ITGAV: variants seen among roughly 807,000 people sequenced by gnomAD.
ITGAV encodes integrin subunit alpha V, also known as integrin alpha-V.
A neutral mutation model predicts 143.8 loss-of-function variants in ITGAV; 76 were observed. The ratio of observed to expected loss-of-function variants is 0.53; its 90% CI spans 0.44 to 0.64. The LOEUF (loss-of-function observed/expected upper bound fraction) is 0.64, where lower values mean the gene tolerates loss of function less well. Among genes scored for constraint, ITGAV ranks in the 30% least tolerant of loss-of-function variants. ITGAV has a pLI of 0.00. For missense variants in ITGAV, 1,193 were observed against 1,274.7 expected, an observed-to-expected ratio of 0.94 and a Z score of 0.98; for synonymous variants, 453 against 446.7, an observed-to-expected ratio of 1.01 and a Z score of -0.18.
At chr2:186,646,626 T>C in intron 12 of ITGAV, 60 bp from the exon 13 acceptor site, 2 of 1,330,324 alleles carry the variant, frequency 1.5e-6, no homozygotes, top group Non-Finnish European at 2.1e-6. Context: ...ATTCTTCCCT[T>C]TCTTTTCCTC....
intron 1 of ITGAV, among the ~76,000 whole-genome samples, chr2:186,599,705 T>G (rs1686844306): frequency 6.6e-6 from 1 of 152,214 alleles, no homozygotes; most frequent in South Asian, 2.1e-4. Context: ...GGGGTCTTAC[T>G]ATGTTGCCTA....
chr2:186,606,157 T>A (rs981618868), intron 2 of ITGAV, among the ~76,000 whole-genome samples: 4 of 151,820 alleles, frequency 2.6e-5, no homozygotes, highest in Admixed American at 1.3e-4. Context: ...TGCTAAACTT[T>A]CTTTATGTCT....
intron 2 of ITGAV, 76 bp downstream of exon 2, chr2:186,602,227 A>G: frequency 1.6e-6 from 2 of 1,259,796 alleles, no homozygotes. Flanking sequence ...GTTTAAATGT[A>G]GCCATTTAAT....
At chr2:186,675,113 C>A (rs1689171920) in intron 26 of ITGAV, among the ~76,000 whole-genome samples, 1 of 152,146 alleles carries the variant, frequency 6.6e-6, no homozygotes, top group East Asian at 1.9e-4. Context: ...GGCTGCCAAC[C>A]TCGAAGTTAC....
chr2:186,632,627 C>T (rs1275627730), intron 5 of ITGAV, among the ~76,000 whole-genome samples: 1 of 152,034 alleles, frequency 6.6e-6, no homozygotes, highest in African/African-American at 2.4e-5. Context: ...ATGTATAATA[C>T]ACCCTGAAAA....
chr2:186,636,929 C>G, intron 7 of ITGAV, 136 bp from the exon 8 acceptor site: 2 of 649,312 alleles, frequency 3.1e-6, no homozygotes, highest in East Asian at 2.7e-5. Context: ...ATATATGAAT[C>G]TGTTATGACT....
At position 186,675,624 on chromosome 2, in the gene ITGAV, C is replaced by G; in HGVS notation, c.2727C>G (p.Cys909Trp). The change falls in exon 27 of 30, where the codon TGC becomes TGG. Residue 909 changes from cysteine (C) to tryptophan (W), a missense_variant. By Grantham distance (215) the Cys-to-Trp change is radical. Coordinates refer to ENST00000261023, the MANE Select transcript of ITGAV (RefSeq NM_002210.5). ...GGCAGGGTTGTGGAGTTGCTCAGTG[C>G]TTGAAGATTGTCTGCCAAGTTGGGA... The part of the protein sequence containing the change: ...IHTLGCGVAQ[C>W]LKIVCQVGRL... 1 of 1,613,780 alleles carries G rather than the reference C, an allele frequency of 6.2e-7. No homozygotes were observed. The highest frequency in any genetic ancestry group is 8.5e-7 in the Non-Finnish European group (1 of 1,179,718).
At chr2:186,666,479 A>G (rs574795434) in intron 21 of ITGAV, among the ~76,000 whole-genome samples, 6 of 152,334 alleles carry the variant, frequency 3.9e-5, no homozygotes, top group African/African-American at 1.4e-4. Flanking sequence ...AAGGAGGTAT[A>G]ATTATGATTA....
At chr2:186,637,328 A>G (rs922494999) in intron 8 of ITGAV, among the ~76,000 whole-genome samples, 15 of 151,908 alleles carry the variant, frequency 9.9e-5, no homozygotes, top group African/African-American at 3.1e-4. Flanking sequence ...GAAAAAACAC[A>G]AAAATTAGCC....
At chr2:186,617,758 G>A (rs541057288) in intron 2 of ITGAV, among the ~76,000 whole-genome samples, 27 of 152,178 alleles carry the variant, frequency 1.8e-4, no homozygotes, top group African/African-American at 6.0e-4. Flanking sequence ...TTATTTTATT[G>A]TGTGAGATAC....
At chr2:186,602,250 A>T in intron 2 of ITGAV, 99 bp downstream of exon 2, 2 of 848,948 alleles carry the variant, frequency 2.4e-6, no homozygotes. Flanking sequence ...AATTATATAG[A>T]TAAGCACCTC....
chr2:186,677,135 A>G, intron 29 of ITGAV, 62 bp from the exon 30 acceptor site: 1 of 1,476,966 alleles, frequency 6.8e-7, no homozygotes, highest in Non-Finnish European at 9.4e-7. Context: ...TAGTCACCCA[A>G]AAAATACTTT....
At chr2:186,664,266 T>A (rs181212826) in intron 19 of ITGAV, among the ~76,000 whole-genome samples, 3 of 152,304 alleles carry the variant, frequency 2.0e-5, no homozygotes, top group Admixed American at 1.3e-4. Context: ...ATATGAATGA[T>A]AGTGATATAT....
chr2:186,654,908 T>C lies in ITGAV; in HGVS notation c.1564+200T>C, dbSNP rs79261802. The stretch of plus-strand genomic sequence containing the variant: ...AGCTAATTCAAAAATAATACACTTA[T>C]TTATGGACATTATGAGCTAAATAGC... On this transcript the variant is annotated intron_variant, in intron 16 of 29. Coordinates refer to ENST00000261023, the MANE Select transcript of ITGAV (RefSeq NM_002210.5). 8.2e-3 allele frequency among the ~76,000 whole-genome samples: 1,256 copies of C among 152,328 alleles called. 37 individuals are homozygous for C. The East Asian group carries it at 0.087, about 11-fold the overall frequency.
chr2:186,659,211 G>A (rs1254016817), intron 18 of ITGAV, 36 bp downstream of exon 18: 1 of 1,375,932 alleles, frequency 7.3e-7, no homozygotes, highest in East Asian at 2.7e-5. Context: ...GTGATATTTT[G>A]TTATTTTTTT....
At chr2:186,637,434 T>A (rs1381238158) in intron 8 of ITGAV, among the ~76,000 whole-genome samples, 1 of 148,572 alleles carries the variant, frequency 6.7e-6, no homozygotes. Context: ...TGAGTTGTGA[T>A]TGCGCCACTG....
chr2:186,594,663 A>C (rs551268156), intron 1 of ITGAV, among the ~76,000 whole-genome samples: 1 of 152,342 alleles, frequency 6.6e-6, no homozygotes, highest in South Asian at 2.1e-4. Flanking sequence ...CATTGCCAGC[A>C]AGAAAGTCCA....
intron 10 of ITGAV, 103 bp from the exon 11 acceptor site, chr2:186,640,812 G>A: frequency 1.2e-6 from 1 of 856,572 alleles, no homozygotes; most frequent in South Asian, 1.6e-5. Flanking sequence ...AGCACTATAT[G>A]CAGAGAAAAA....
chr2:186,592,861 A>T lies in ITGAV; in HGVS notation c.185+2338A>T, dbSNP rs12693454. Among the ~76,000 whole-genome samples the T allele has an allele frequency of 2.0e-5, 3 of 151,982 alleles. 1 individual carries two copies. The highest frequency in any genetic ancestry group is 4.2e-4 in the South Asian group (2 of 4,810). On this transcript the variant is annotated intron_variant, in intron 1 of 29. Coordinates refer to ENST00000261023, the MANE Select transcript of ITGAV (RefSeq NM_002210.5). ...CTTAAAAAATGGAAACCAACCTTGAATTTTTTTCTTTTTTCTTTTTAAACA... is the reference window on the plus strand; with the variant it reads ...CTTAAAAAATGGAAACCAACCTTGATTTTTTTTCTTTTTTCTTTTTAAACA...
Sources: allele counts gnomAD v4.1 joint callset (sites outside exome capture counted in the v4.1 genomes callset), GRCh38; gene constraint gnomAD v4.1.1; transcripts MANE v1.5; gene names NCBI Gene and HGNC (gene_info 2026-07-23, HGNC 2026-07-21).